Variants in RPP21 observed in about 807,000 individuals in gnomAD.
RPP21 encodes the protein ribonuclease P subunit p21, also known as ribonuclease P protein subunit p21.
A neutral mutation model predicts 19.0 loss-of-function variants in RPP21; 21 were observed. The observed-to-expected ratio is 1.11, with a 90% CI of 0.78 to 1.59. RPP21 has a LOEUF of 1.59. RPP21 is among the 40% of genes most tolerant of loss of function. RPP21 has a pLI of 0.00. For missense variants in RPP21, 215 were observed against 200.2 expected, an observed-to-expected ratio of 1.07 and a Z score of -0.45; for synonymous variants, 93 against 78.7, an observed-to-expected ratio of 1.18 and a Z score of -0.96.
chr6:30,345,520 G>T lies in RPP21; in HGVS notation c.188G>T (p.Arg63Leu). Reference protein sequence around the residue: ...RDPSVKRTLCRGCSSLLVPGL... With the variant: ...RDPSVKRTLCLGCSSLLVPGL... ...CCCTCGGTGAAGAGGACTCTCTGTC[G>T]AGGCTGCTCTTCCCTCCTCGTCCCG... The change falls in exon 3 of 5, where the codon CGA (arginine) becomes CTA (leucine). Residue 63 changes from arginine to leucine, a missense_variant. By Grantham distance (102) the Arg-to-Leu change is moderately radical. Coordinates refer to ENST00000442966, the MANE Select transcript of RPP21 (RefSeq NM_024839.4). The T allele has an allele frequency of 1.3e-6, 2 of 1,599,232 alleles. No individual in the cohort carries two copies. The highest frequency in any genetic ancestry group is 1.7e-6 in the Non-Finnish European group (2 of 1,172,582).
At chr6:30,345,760 G>C in intron 3 of RPP21, 187 bp downstream of exon 3, 1 of 660,506 alleles carries the variant, frequency 1.5e-6, no homozygotes, top group South Asian at 2.6e-5. Flanking sequence ...ACAAACTAGG[G>C]TTTGGGCTCG....
chr6:30,345,286 C>G lies in RPP21; in HGVS notation c.58-12C>G. ...TGCTCGGCGTCCCAGAGTGACTGCT[C>G]CCCTCCCGCAGGCCGCCCATTGTGT... On this transcript the variant is annotated splice_polypyrimidine_tract_variant and intron_variant, in intron 1 of 4. Coordinates refer to ENST00000442966, the MANE Select transcript of RPP21 (RefSeq NM_024839.4). The G allele has an allele frequency of 2.5e-6, 4 of 1,613,696 alleles. No homozygotes were observed. Among genetic ancestry groups the G allele is most frequent in the Non-Finnish European group, 3.4e-6 (4 of 1,179,898 alleles).
rs956077066 is a variant in RPP21, at chr6:30,346,449, T to A, written c.259T>A (p.Trp87Arg). The change falls in exon 4 of 5, where the codon TGG becomes AGG. Residue 87 changes from tryptophan to arginine, a missense_variant. Physicochemically the swap from Trp to Arg is moderately radical, Grantham distance 101. Coordinates refer to ENST00000442966, the MANE Select transcript of RPP21 (RefSeq NM_024839.4). The surrounding 1 kb of genome is among the most constrained non-coding windows in gnomAD (Gnocchi z 4.7). ...QRQRRCRGQR[W>R]TVQTCLTCQR... The stretch of plus-strand genomic sequence containing the variant: ...CACCCTAGGCTGCAGGGGACAGCGC[T>A]GGACCGTACAGACCTGCCTAACATG... 1.2e-6 allele frequency: 2 copies of A among 1,614,038 alleles called. No individual in the cohort carries two copies. The highest frequency in any genetic ancestry group is 2.7e-5 in the African/African-American group (2 of 74,902).
In RPP21 at chr6:30,345,416, C is replaced by T. The variant is rs745843612; in HGVS notation, c.158+18C>T. ...TTGCGGCGGTGAGACAGCCACGGGG[C>T]GGGCGGCGGGCGGGACGCGGGAGGA... On this transcript the variant is annotated intron_variant, in intron 2 of 4. Coordinates refer to ENST00000442966, the MANE Select transcript of RPP21 (RefSeq NM_024839.4). 122 of 1,611,266 alleles carry T rather than the reference C, an allele frequency of 7.6e-5. No homozygotes were observed. Among genetic ancestry groups the T allele is most frequent in the Admixed American group, 2.0e-4 (12 of 59,894 alleles).
At position 30,345,360 on chromosome 6, in the gene RPP21, C is replaced by A; in HGVS notation, c.120C>A (p.Tyr40Ter). The change falls in exon 2 of 5, where the codon TAC becomes TAA. Residue 40 changes from tyrosine (Y) to a stop codon, truncating the protein, a stop_gained. Transcript: ENST00000442966. LOFTEE classifies it high-confidence loss of function. ...AGGCGCTGGCGAGGTTTTACTGCTA[C>A]ACTGAGAGGACCATTGCGAAGCGGC... is the stretch of plus-strand genomic sequence containing the variant. ...ENQALARFYC[Y>*]TERTIAKRLV... The A allele has an allele frequency of 6.2e-7, 1 of 1,613,308 alleles. No individual in the cohort carries two copies. The highest frequency in any genetic ancestry group is 8.5e-7 in the Non-Finnish European group (1 of 1,179,920).
chr6:30,346,522 G>A lies in RPP21; in HGVS notation c.332G>A (p.Gly111Glu), dbSNP rs1220882792. ...FLNDPGHLLW[G>E]DRPEAQLGSQ... ...AATGATCCCGGGCATTTACTCTGGG[G>A]AGACAGGCCTGAGGCCCAGCTCGGG... The change falls in exon 4 of 5, where the codon GGA becomes GAA. Residue 111 changes from glycine (G) to glutamate (E), a missense_variant. Coordinates refer to ENST00000442966, the MANE Select transcript of RPP21 (RefSeq NM_024839.4). The surrounding 1 kb of genome is among the most constrained non-coding windows in gnomAD (Gnocchi z 4.7). 1.2e-6 allele frequency: 2 copies of A among 1,614,158 alleles called. No homozygotes were observed. The highest frequency in any genetic ancestry group is 2.2e-5 in the East Asian group (1 of 44,862).
Position 30,345,289 on chromosome 6 carries a change from C to T in RPP21, c.58-9C>T, listed in dbSNP as rs750517492. 29 of 1,613,650 alleles carry T rather than the reference C, an allele frequency of 1.8e-5. No homozygotes were observed. The South Asian group carries it at 3.0e-4, about 16-fold the overall frequency. ...TCGGCGTCCCAGAGTGACTGCTCCC[C>T]TCCCGCAGGCCGCCCATTGTGTCCT... On this transcript the variant is annotated splice_polypyrimidine_tract_variant and intron_variant, in intron 1 of 4. Coordinates refer to ENST00000442966, the MANE Select transcript of RPP21 (RefSeq NM_024839.4).
In RPP21 at chr6:30,346,140, CAAAG is replaced by C; in HGVS notation, c.242-288_242-285del. ...GAGACAAGAGAGCTTGTGGTGCTGT[CAAAG>C]AAATGAGAGTTCAGGAGGCTGGAGT... On this transcript the variant is annotated intron_variant, in intron 3 of 4. Coordinates refer to ENST00000442966, the MANE Select transcript of RPP21 (RefSeq NM_024839.4). This position sits in a 1 kb window ranked among gnomAD's most constrained non-coding sequence, Gnocchi z 4.7. 1 of 368,588 alleles carries C rather than the reference CAAAG, an allele frequency of 2.7e-6. No individual in the cohort carries two copies. The highest frequency in any genetic ancestry group is 4.9e-6 in the Non-Finnish European group (1 of 204,700). 22.8% of individuals were successfully genotyped at this position (368,588 alleles called of 1,614,324 possible).
chr6:30,346,685 G>GT lies in RPP21; in HGVS notation c.368-25dup. ...GTACCACAGTCAGAAAACTAATTCT[G>GT]TTTCTCTGATTCTGCTCATTTACTC... On this transcript the variant is annotated intron_variant, in intron 4 of 4. Coordinates refer to ENST00000442966, the MANE Select transcript of RPP21 (RefSeq NM_024839.4). The surrounding 1 kb of genome is among the most constrained non-coding windows in gnomAD (Gnocchi z 4.7). The GT allele has an allele frequency of 6.2e-7, 1 of 1,613,946 alleles. No homozygotes were observed. Among genetic ancestry groups the GT allele is most frequent in the South Asian group, 1.1e-5 (1 of 91,084 alleles).
chr6:30,346,346 C>A lies in RPP21; in HGVS notation c.242-86C>A. 6.4e-7 allele frequency: 1 copy of A among 1,563,122 alleles called. No homozygotes were observed. The highest frequency in any genetic ancestry group is 1.2e-5 in the South Asian group (1 of 84,192). On this transcript the variant is annotated intron_variant, in intron 3 of 4. Coordinates refer to ENST00000442966, the MANE Select transcript of RPP21 (RefSeq NM_024839.4). The surrounding 1 kb of genome is among the most constrained non-coding windows in gnomAD (Gnocchi z 4.7). ...GGGGTGTGGTGGGGGAGCGGGGATACCTACTGAAAAACACTGGAGGCAAAA... is the reference window on the plus strand; with the variant it reads ...GGGGTGTGGTGGGGGAGCGGGGATAACTACTGAAAAACACTGGAGGCAAAA...
Position 30,346,723 on chromosome 6 carries a change from A to C in RPP21, c.378A>C (p.Pro126=), listed in dbSNP as rs760975387. 1.1e-5 allele frequency: 18 copies of C among 1,613,536 alleles called. No homozygotes were observed. The highest frequency in any genetic ancestry group is 1.4e-5 in the Non-Finnish European group (16 of 1,180,018). Reference sequence around the variant, plus strand: ...TGCTCATTTACTCAGATTCCAAACCACTACAACCCTTGCCAAACACAGCCC... The same window carrying C: ...TGCTCATTTACTCAGATTCCAAACCCCTACAACCCTTGCCAAACACAGCCC... ...AQLGSQADSK[P]LQPLPNTAHS... Residue 126 remains proline (P), a synonymous_variant, in exon 5 of 5, where the codon CCA becomes CCC. Coordinates refer to ENST00000442966, the MANE Select transcript of RPP21 (RefSeq NM_024839.4). This position sits in a 1 kb window ranked among gnomAD's most constrained non-coding sequence, Gnocchi z 4.7.
At chr6:30,345,639 G>A in intron 3 of RPP21, 66 bp downstream of exon 3, 1 of 1,323,128 alleles carries the variant, frequency 7.6e-7, no homozygotes, top group Non-Finnish European at 1.0e-6. Flanking sequence ...CGGGGTGGGG[G>A]GCGGGCACTG....
chr6:30,346,569 G>C lies in RPP21; in HGVS notation c.367+12G>C, dbSNP rs767809748. 6.2e-7 allele frequency: 1 copy of C among 1,614,016 alleles called. No individual in the cohort carries two copies. The stretch of plus-strand genomic sequence containing the variant: ...CGGGAGCCAAGCAGGTGAGAGGTGA[G>C]GGAGAAAATGGAGGACACCCCAGAG... On this transcript the variant is annotated intron_variant, in intron 4 of 4. Transcript: ENST00000442966. The surrounding 1 kb of genome is among the most constrained non-coding windows in gnomAD (Gnocchi z 4.7).
Position 30,346,219 on chromosome 6 carries a change from C to A in RPP21, c.242-213C>A. ...GACTGGAGGGGGAAACAGGCCAGTT[C>A]TTGAAGTCTTGTTAGGGAGTTTGAA... is the stretch of plus-strand genomic sequence containing the variant. On this transcript the variant is annotated intron_variant, in intron 3 of 4. Transcript: ENST00000442966. This position sits in a 1 kb window ranked among gnomAD's most constrained non-coding sequence, Gnocchi z 4.7. 1.2e-6 allele frequency: 1 copy of A among 810,718 alleles called. No individual in the cohort carries two copies. The highest frequency in any genetic ancestry group is 1.8e-6 in the Non-Finnish European group (1 of 550,942). The allele number at this position is 810,718 out of a possible 1,614,324, so 50.2% of individuals were successfully genotyped here.
intron 1 of RPP21, 34 bp downstream of exon 1, chr6:30,345,262 G>A: frequency 6.2e-7 from 1 of 1,613,192 alleles, no homozygotes; most frequent in Non-Finnish European, 8.5e-7. Context: ...CGGGGACGGT[G>A]CTCGGCGTCC....
intron 3 of RPP21, 184 bp downstream of exon 3, chr6:30,345,757 A>T: frequency 1.2e-5 from 8 of 654,388 alleles, no homozygotes; most frequent in East Asian, 6.6e-5. Context: ...TGCACAAACT[A>T]GGGTTTGGGC....
rs770868606 is a variant in RPP21, at chr6:30,345,317, C to G, written c.77C>G (p.Ala26Gly). 3.7e-6 allele frequency: 6 copies of G among 1,613,612 alleles called. No individual in the cohort carries two copies. The highest frequency in any genetic ancestry group is 5.1e-6 in the Non-Finnish European group (6 of 1,179,944). ...FLYQAAHCVL[A>G]QDPENQALAR... ...CCGCAGGCCGCCCATTGTGTCCTTG[C>G]CCAGGACCCCGAGAACCAGGCGCTG... The change falls in exon 2 of 5, where the codon GCC becomes GGC. Residue 26 changes from alanine (A) to glycine (G), a missense_variant. Coordinates refer to ENST00000442966, the MANE Select transcript of RPP21 (RefSeq NM_024839.4).
chr6:30,345,420 C>T, intron 2 of RPP21, 22 bp downstream of exon 2: 1 of 1,611,358 alleles, frequency 6.2e-7, no homozygotes, highest in Non-Finnish European at 8.5e-7. Context: ...ACGGGGCGGG[C>T]GGCGGGCGGG....
intron 3 of RPP21, 51 bp downstream of exon 3, chr6:30,345,624 G>C (rs754932563): frequency 6.8e-5 from 98 of 1,443,718 alleles, no homozygotes; most frequent in Admixed American, 2.7e-4. Flanking sequence ...GGGCGCGGAG[G>C]GGGGCGGGGT....
Sources: gnomAD v4.1 joint callset for allele counts on GRCh38, gnomAD v4.1.1 for gene constraint, Gnocchi (gnomAD v3.1) non-coding constraint, MANE v1.5 for transcripts, NCBI Gene and HGNC (gene_info 2026-07-23, HGNC 2026-07-21) for gene names.